NLRX1: variants seen among roughly 807,000 people sequenced by gnomAD.
The protein encoded by NLRX1 is NOD-like receptor X1.
A neutral mutation model predicts 74.2 loss-of-function variants in NLRX1; 67 were observed. The observed-to-expected ratio is 0.90, with a 90% CI of 0.74 to 1.11. NLRX1 has a LOEUF of 1.11. NLRX1 is among the 50% of genes least tolerant of loss of function. The probability of loss-of-function intolerance (pLI) is 0.00; values close to 1 mark genes in which losing one functional copy is unlikely to be tolerated. For synonymous variants in NLRX1, 506 were observed against 559.1 expected (o/e 0.91, Z 1.34); for missense variants, 1,191 against 1,305.4 (o/e 0.91, Z 1.35).
intron 2 of NLRX1, among the ~76,000 whole-genome samples, chr11:119,171,790 A>C (rs1948556410): frequency 6.6e-6 from 1 of 150,754 alleles, no homozygotes; most frequent in Admixed American, 6.6e-5. Flanking sequence ...TCTCTATTAA[A>C]ACTACAAAAA....
At position 119,172,937 on chromosome 11, in the gene NLRX1, C is replaced by T. The variant is rs144040924; in HGVS notation, c.177C>T (p.Ser59=). ...GCCACCACGGAAGCTCGGTAGATAG[C>T]GCTCCCCCACCCGGGAGGCATGGAC... ...FIRHHGSSVD[S]APPPGRHGRL... The change falls in exon 4 of 10, where the codon AGC becomes AGT. Residue 59 remains serine (S), a synonymous_variant. Transcript: ENST00000409109. 305 of 1,613,894 alleles carry T rather than the reference C, an allele frequency of 1.9e-4. No homozygotes were observed. The African/African-American group carries it at 3.1e-3, about 16-fold the overall frequency.
In NLRX1 at chr11:119,174,886, C is replaced by T. The variant is rs1181279727; in HGVS notation, c.1283C>T (p.Thr428Ile). Residue 428 changes from threonine (T) to isoleucine (I), a missense_variant, in exon 6 of 10, where the codon ACC (threonine) becomes ATC (isoleucine). Physicochemically the swap from Thr to Ile is moderately conservative, Grantham distance 89 (BLOSUM62 -1). Transcript: ENST00000409109. ...NLSLMAYAARTMGKLAYEGVS... is the reference protein window; with the variant it reads ...NLSLMAYAARIMGKLAYEGVS... Reference sequence around the variant, plus strand: ...TCCCTGATGGCCTATGCAGCCCGAACCATGGGCAAGTTGGCCTATGAGGGG... The same window carrying T: ...TCCCTGATGGCCTATGCAGCCCGAATCATGGGCAAGTTGGCCTATGAGGGG... 4 of 1,613,982 alleles carry T rather than the reference C, an allele frequency of 2.5e-6. No homozygotes were observed. The highest frequency in any genetic ancestry group is 1.7e-5 in the Admixed American group (1 of 60,006).
In NLRX1 at chr11:119,183,461, G is replaced by A. The variant is rs528779452; in HGVS notation, c.*22G>A. On this transcript the variant is annotated 3_prime_UTR_variant, in exon 10 of 10. Coordinates refer to ENST00000409109, the MANE Select transcript of NLRX1 (RefSeq NM_001282144.2). This position sits in a 1 kb window ranked among gnomAD's most constrained non-coding sequence, Gnocchi z 5.7. ...CTGAGACACTGGCGGCAGGCACCTA[G>A]CTATGTGACCACTGGCCCTAAACCT... 1.3e-6 allele frequency: 2 copies of A among 1,599,022 alleles called. No individual in the cohort carries two copies. The highest frequency in any genetic ancestry group is 3.4e-5 in the Admixed American group (2 of 58,484).
Position 119,173,138 on chromosome 11 carries a change from T to C in NLRX1, c.229+149T>C. Reference sequence around the variant, plus strand: ...TCTCTCTCTCCCTCCCATCCGTCTATGTATCCCTTCCTGCAATACTCTTGC... The same window carrying C: ...TCTCTCTCTCCCTCCCATCCGTCTACGTATCCCTTCCTGCAATACTCTTGC... On this transcript the variant is annotated intron_variant, in intron 4 of 9. Transcript: ENST00000409109. The surrounding 1 kb of genome is among the most constrained non-coding windows in gnomAD (Gnocchi z 4.0). 1 of 665,424 alleles carries C rather than the reference T, an allele frequency of 1.5e-6. No individual in the cohort carries two copies. The highest frequency in any genetic ancestry group is 1.7e-5 in the South Asian group (1 of 58,608). The allele number at this position is 665,424 out of a possible 1,614,324, so 41.2% of individuals were successfully genotyped here.
Position 119,183,833 on chromosome 11 carries a change from C to A in NLRX1, c.*394C>A. ...TCTGCCATGCCAGGGGTGTCGCCAT[C>A]CAGATGTGTTGGAAGCTTCCCCTCC... On this transcript the variant is annotated 3_prime_UTR_variant, in exon 10 of 10. Transcript: ENST00000409109. The surrounding 1 kb of genome is among the most constrained non-coding windows in gnomAD (Gnocchi z 5.7). 1 of 780,892 alleles carries A rather than the reference C, an allele frequency of 1.3e-6. No homozygotes were observed. 48.4% of individuals were successfully genotyped at this position (780,892 alleles called of 1,614,324 possible).
chr11:119,175,421 C>G, intron 6 of NLRX1, 147 bp downstream of exon 6: 1 of 707,640 alleles, frequency 1.4e-6, no homozygotes, highest in Non-Finnish European at 2.3e-6. Flanking sequence ...TGAATCTTCT[C>G]CCTGGATCTG....
chr11:119,171,456 G>T lies in NLRX1; in HGVS notation c.53G>T (p.Arg18Ile). 6.2e-7 allele frequency: 1 copy of T among 1,613,666 alleles called. No individual in the cohort carries two copies. The highest frequency in any genetic ancestry group is 2.2e-5 in the East Asian group (1 of 44,860). ...PRASWGSGFR[R>I]ALQRPDDRIP... ...GCCTCTTGGGGCTCTGGTTTTAGAA[G>T]AGCACTCCAGCGACCAGGTGAGCAG... The change falls in exon 2 of 10, where the codon AGA becomes ATA. Residue 18 changes from arginine (R) to isoleucine (I), a missense_variant. By Grantham distance (97) the Arg-to-Ile change is moderately conservative. Transcript: ENST00000409109.
intron 6 of NLRX1, among the ~76,000 whole-genome samples, chr11:119,179,462 G>A (rs983867563): frequency 6.6e-6 from 1 of 152,170 alleles, no homozygotes; most frequent in Non-Finnish European, 1.5e-5. Context: ...CCCATCTCTA[G>A]TTTTAAGAAA....
chr11:119,174,232 C>T (rs1489178026), intron 5 of NLRX1, 134 bp downstream of exon 5: 2 of 1,219,588 alleles, frequency 1.6e-6, no homozygotes, highest in East Asian at 5.0e-5. Context: ...CCCCAGCCTT[C>T]TGTTCCTTTC....
rs1475452043 is a variant in NLRX1 at position 119,174,958 on chromosome 11, G to A, written c.1355G>A (p.Cys452Tyr). The A allele has an allele frequency of 6.2e-7, 1 of 1,613,932 alleles. No homozygotes were observed. The highest frequency in any genetic ancestry group is 1.3e-5 in the African/African-American group (1 of 74,956). The change falls in exon 6 of 10, where the codon TGC becomes TAC. Residue 452 changes from cysteine to tyrosine, a missense_variant. Transcript: ENST00000409109. ...TYFSEEDVCG[C>Y]LEAGIRTEEE... ...TTCTCTGAAGAGGATGTCTGTGGCTGCCTGGAGGCTGGCATCAGGACGGAG... is the reference window on the plus strand; with the variant it reads ...TTCTCTGAAGAGGATGTCTGTGGCTACCTGGAGGCTGGCATCAGGACGGAG...
rs1349334664 is a variant in NLRX1 at position 119,174,051 on chromosome 11, C to G, written c.802C>G (p.Pro268Ala). The G allele has an allele frequency of 6.2e-7, 1 of 1,614,180 alleles. No individual in the cohort carries two copies. Among genetic ancestry groups the G allele is most frequent in the Non-Finnish European group, 8.5e-7 (1 of 1,180,030 alleles). The change falls in exon 5 of 10, where the codon CCA becomes GCA. Residue 268 changes from proline (P) to alanine (A), a missense_variant. Transcript: ENST00000409109. ...TAGTGACCCGGAGGAACCGCAGGAA[C>G]CAGCTGCTATCATCGTCAACCTGCT... ...LCSDPEEPQE[P>A]AAIIVNLLRK...
At chr11:119,177,133 G>A (rs1393029249) in intron 6 of NLRX1, among the ~76,000 whole-genome samples, 1 of 151,992 alleles carries the variant, frequency 6.6e-6, no homozygotes, top group Non-Finnish European at 1.5e-5. Flanking sequence ...CCAGGCTGGA[G>A]TGCAGTGGCA....
At position 119,172,586 on chromosome 11, in the gene NLRX1, T is replaced by G. The variant is rs561361836; in HGVS notation, c.140+161T>G. On this transcript the variant is annotated intron_variant, in intron 3 of 9. Transcript: ENST00000409109. ...GGCAGCTCCAAGGCCTGAGAGGAAG[T>G]TGGCTTAGATCATCTGTGGTAGAAG... 2.6e-5 allele frequency among the ~76,000 whole-genome samples: 4 copies of G among 152,160 alleles called. No homozygotes were observed. The South Asian group carries it at 8.3e-4, about 32-fold the overall frequency.
intron 6 of NLRX1, 149 bp downstream of exon 6, chr11:119,175,423 C>T (rs529413191): frequency 1.4e-6 from 1 of 706,132 alleles, no homozygotes; most frequent in Non-Finnish European, 2.3e-6. Flanking sequence ...AATCTTCTCC[C>T]TGGATCTGGT....
rs751669910 is a variant in NLRX1 at position 119,180,252 on chromosome 11, C to T, written c.2231C>T (p.Thr744Ile). The T allele has an allele frequency of 4.4e-6, 7 of 1,599,514 alleles. No individual in the cohort carries two copies. In the South Asian group the frequency reaches 5.6e-5, roughly 13 times the overall value. ...SCQLDPAGLRTLLPVFLRARK... is the reference protein window; with the variant it reads ...SCQLDPAGLRILLPVFLRARK... ...CAGCTAGATCCTGCTGGGCTGCGCA[C>T]ACTCCTGCCTGTCTTCCTGCGTGCC... The change falls in exon 7 of 10, where the codon ACA becomes ATA. Residue 744 changes from threonine to isoleucine, a missense_variant. Thr to Ile is a moderately conservative substitution (Grantham distance 89). Transcript: ENST00000409109.
At position 119,179,772 on chromosome 11, in the gene NLRX1, G is replaced by A. The variant is rs1352739136; in HGVS notation, c.1751G>A (p.Arg584Gln). 4 of 1,614,028 alleles carry A rather than the reference G, an allele frequency of 2.5e-6. No individual in the cohort carries two copies. Among genetic ancestry groups the A allele is most frequent in the Admixed American group, 1.7e-5 (1 of 60,008 alleles). ...CAGGCCATGGTGCTGGAGATGTTTC[G>A]AGAGGAGGACTACTACAACGATGAT... is the stretch of plus-strand genomic sequence containing the variant. ...VAQAMVLEMF[R>Q]EEDYYNDDVL... Residue 584 changes from arginine (R) to glutamine (Q), a missense_variant, in exon 7 of 10, where the codon CGA (arginine) becomes CAA (glutamine). Arg to Gln is a conservative substitution (Grantham distance 43). Coordinates refer to ENST00000409109, the MANE Select transcript of NLRX1 (RefSeq NM_001282144.2).
In NLRX1 at chr11:119,183,156, T is replaced by C; in HGVS notation, c.2645T>C (p.Val882Ala). The change falls in exon 10 of 10, where the codon GTC becomes GCC. Residue 882 changes from valine to alanine, a missense_variant. Val to Ala is a moderately conservative substitution (Grantham distance 64). Transcript: ENST00000409109. This position sits in a 1 kb window ranked among gnomAD's most constrained non-coding sequence, Gnocchi z 5.7. ...GAGCTGAGCTCAGAGGGCCGCCAGG[T>C]CTTGCGAGACTTGGGGGGTGCTGCT... ...FNELSSEGRQ[V>A]LRDLGGAAEG... 1 of 1,614,088 alleles carries C rather than the reference T, an allele frequency of 6.2e-7. No individual in the cohort carries two copies.
In NLRX1 at chr11:119,174,767, G is replaced by C. The variant is rs200299072; in HGVS notation, c.1164G>C (p.Thr388=). 1 of 1,613,738 alleles carries C rather than the reference G, an allele frequency of 6.2e-7. No individual in the cohort carries two copies. Among genetic ancestry groups the C allele is most frequent in the Non-Finnish European group, 8.5e-7 (1 of 1,180,034 alleles). The change falls in exon 6 of 10, where the codon ACG becomes ACC. Residue 388 remains threonine, a synonymous_variant. Coordinates refer to ENST00000409109, the MANE Select transcript of NLRX1 (RefSeq NM_001282144.2). Reference sequence around the variant, plus strand: ...CCTTGCACTTCCTGCATGCCCCCACGCCTGCTGGGCAGACCCTTACAAGCA... The same window carrying C: ...CCTTGCACTTCCTGCATGCCCCCACCCCTGCTGGGCAGACCCTTACAAGCA... ...CATLHFLHAP[T]PAGQTLTSIY...
chr11:119,179,375 C>T (rs1490859283), intron 6 of NLRX1, among the ~76,000 whole-genome samples: 3 of 152,176 alleles, frequency 2.0e-5, no homozygotes, highest in Non-Finnish European at 4.4e-5. Flanking sequence ...TGGCTTATGC[C>T]TATAATCCTA....
Sources: gnomAD v4.1 joint callset for allele counts (sites outside exome capture counted in the v4.1 genomes callset) on GRCh38, gnomAD v4.1.1 for gene constraint, Gnocchi (gnomAD v3.1) non-coding constraint, MANE v1.5 for transcripts, NCBI Gene and HGNC (gene_info 2026-07-23, HGNC 2026-07-21) for gene names.